The following FXN variants were observed in gnomAD, a reference collection of about 807,000 sequenced individuals.
FXN encodes frataxin.
In FXN, 14 loss-of-function variants were observed where a neutral mutation model predicts 22.4. The observed-to-expected ratio is 0.62, with a 90% CI of 0.41 to 0.98. The LOEUF (loss-of-function observed/expected upper bound fraction) is 0.98, where lower values mean the gene tolerates loss of function less well. Among genes scored for constraint, FXN ranks in the 50% least tolerant of loss-of-function variants. FXN has a pLI of 0.00. For missense variants in FXN, 267 were observed against 268.4 expected (o/e 0.99, Z 0.04); for synonymous variants, 120 against 114.1 (o/e 1.05, Z -0.33).
chr9:69,035,940 G>T lies in FXN; in HGVS notation c.158G>T (p.Arg53Leu), dbSNP rs1023779193. The change falls in exon 1 of 5, where the codon CGC (arginine) becomes CTC (leucine). Residue 53 changes from arginine (R) to leucine (L), a missense_variant. Transcript: ENST00000484259. ...GACATCGATGCGACCTGCACGCCCC[G>T]CCGCGCAGTAAGTATCCGCGCCGGG... Reference protein sequence around the residue: ...RTDIDATCTPRRASSNQRGLN... With the variant: ...RTDIDATCTPLRASSNQRGLN... 2 of 1,428,100 alleles carry T rather than the reference G, an allele frequency of 1.4e-6. No individual in the cohort carries two copies. Among genetic ancestry groups the T allele is most frequent in the Non-Finnish European group, 1.8e-6 (2 of 1,092,136 alleles). The allele number at this position is 1,428,100 out of a possible 1,614,324, so 88.5% of individuals were successfully genotyped here.
In FXN at chr9:69,051,023, G is replaced by A. The variant is rs536982720; in HGVS notation, c.264-2117G>A. 4.0e-3 allele frequency among the ~76,000 whole-genome samples: 604 copies of A among 152,066 alleles called. 2 individuals are homozygous for A. Among genetic ancestry groups the A allele is most frequent in the African/African-American group, 0.013 (552 of 41,480 alleles). Reference sequence around the variant, plus strand: ...TCGAACTCCTAACCTCAGGTGATCCGCCCGCCTCGGCCTCCCGAAGTGCTG... The same window carrying A: ...TCGAACTCCTAACCTCAGGTGATCCACCCGCCTCGGCCTCCCGAAGTGCTG... On this transcript the variant is annotated intron_variant, in intron 2 of 4. Coordinates refer to ENST00000484259, the MANE Select transcript of FXN (RefSeq NM_000144.5).
chr9:69,053,037 T>C, intron 2 of FXN, 103 bp from the exon 3 acceptor site: 1 of 1,268,324 alleles, frequency 7.9e-7, no homozygotes, highest in South Asian at 1.4e-5. Context: ...TTACATGTTA[T>C]TTTCATCAAT....
intron 3 of FXN, among the ~76,000 whole-genome samples, chr9:69,054,417 G>A (rs188427449): frequency 2.5e-3 from 376 of 152,064 alleles, no homozygotes; most frequent in Non-Finnish European, 3.9e-3. Context: ...TCTGCCTTTG[G>A]GTTTAGAATT....
chr9:69,043,116 C>T (rs1204975020), intron 1 of FXN, among the ~76,000 whole-genome samples: 3 of 152,222 alleles, frequency 2.0e-5, no homozygotes, highest in Middle Eastern at 6.8e-3. Context: ...GTGTGCAGAG[C>T]GGCAAAAAAA....
intron 4 of FXN, among the ~76,000 whole-genome samples, chr9:69,065,568 T>C (rs1382340925): frequency 1.3e-5 from 2 of 151,902 alleles, no homozygotes; most frequent in Non-Finnish European, 2.9e-5. Flanking sequence ...CATCGTCTTA[T>C]GTTAGCATCC....
intron 1 of FXN, among the ~76,000 whole-genome samples, chr9:69,041,653 G>A (rs1310058254): frequency 6.6e-6 from 1 of 152,202 alleles, no homozygotes; most frequent in Non-Finnish European, 1.5e-5. Flanking sequence ...ACAGGGCCGG[G>A]GGTGACAAGG....
intron 3 of FXN, among the ~76,000 whole-genome samples, chr9:69,061,409 C>T (rs1832071025): frequency 6.6e-6 from 1 of 152,020 alleles, no homozygotes; most frequent in Non-Finnish European, 1.5e-5. Context: ...AGTCCTCTGC[C>T]CTTTCTGCTG....
chr9:69,072,991 T>C lies in FXN; in HGVS notation c.*229T>C, dbSNP rs902272629. On this transcript the variant is annotated 3_prime_UTR_variant, in exon 5 of 5. Coordinates refer to ENST00000484259, the MANE Select transcript of FXN (RefSeq NM_000144.5). Reference sequence around the variant, plus strand: ...GGAAGATTTTTTGGATTGTCGGATTTCCTCCCTCACATGATACCCCTTATC... The same window carrying C: ...GGAAGATTTTTTGGATTGTCGGATTCCCTCCCTCACATGATACCCCTTATC... The C allele has an allele frequency of 1.4e-6, 2 of 1,430,100 alleles. No homozygotes were observed. The highest frequency in any genetic ancestry group is 2.9e-5 in the Admixed American group (1 of 34,894). The allele number at this position is 1,430,100 out of a possible 1,614,324, so 88.6% of individuals were successfully genotyped here.
intron 1 of FXN, among the ~76,000 whole-genome samples, chr9:69,043,245 T>A (rs1337986675): frequency 6.6e-6 from 1 of 152,208 alleles, no homozygotes; most frequent in Non-Finnish European, 1.5e-5. Context: ...AGTGCCATGT[T>A]TTTCAGATTT....
rs1327800541 is a variant in FXN at position 69,079,027 on chromosome 9, A to G, written c.*6265A>G. The G allele has an allele frequency of 2.3e-6, 2 of 874,888 alleles. No individual in the cohort carries two copies. Among genetic ancestry groups the G allele is most frequent in the African/African-American group, 1.8e-5 (1 of 54,838 alleles). 54.2% of individuals were successfully genotyped at this position (874,888 alleles called of 1,614,324 possible). A position where few individuals can be genotyped will look rare whatever the true frequency, so the allele number is the denominator to read the frequency against. On this transcript the variant is annotated 3_prime_UTR_variant, in exon 5 of 5. Transcript: ENST00000484259. ...TCTATAAATGTCAAATAAATGTGTT[A>G]TAATTATATGTTTAAGATAGTTGTT...
chr9:69,068,824 G>A (rs142195325), intron 4 of FXN, among the ~76,000 whole-genome samples: 1,939 of 152,286 alleles, frequency 0.013, 24 homozygotes, highest in Non-Finnish European at 0.02. Context: ...CCCTCTGTTC[G>A]AGGGTTCCAA....
intron 4 of FXN, among the ~76,000 whole-genome samples, chr9:69,066,298 C>T (rs1162001682): frequency 2.6e-5 from 4 of 152,138 alleles, no homozygotes; most frequent in Admixed American, 2.0e-4. Flanking sequence ...CTTACTCTAC[C>T]CCCTAACATT....
intron 3 of FXN, among the ~76,000 whole-genome samples, chr9:69,055,211 T>C (rs1283604455): frequency 6.6e-6 from 1 of 152,172 alleles, no homozygotes; most frequent in African/African-American, 2.4e-5. Context: ...TCTTACAAAC[T>C]GACCTACCAA....
chr9:69,053,471 A>AGATG (rs58150402), intron 3 of FXN, among the ~76,000 whole-genome samples: 68 of 140,362 alleles, frequency 4.8e-4, no homozygotes, highest in African/African-American at 9.0e-4. Context: ...ACTCTGTCAT[A>AGATG]GATGGATGGA....
intron 1 of FXN, among the ~76,000 whole-genome samples, chr9:69,045,214 A>G (rs1462452747): frequency 6.7e-6 from 1 of 149,216 alleles, no homozygotes; most frequent in Non-Finnish European, 1.5e-5. Context: ...TGGCTAGCCT[A>G]TTGGAAAACA....
intron 3 of FXN, among the ~76,000 whole-genome samples, chr9:69,058,884 C>T (rs938483187): frequency 2.6e-5 from 4 of 151,972 alleles, no homozygotes; most frequent in African/African-American, 9.7e-5. Flanking sequence ...CTGGCTAACA[C>T]GGTGAAACCC....
chr9:69,065,686 G>C (rs1286393354), intron 4 of FXN, among the ~76,000 whole-genome samples: 1 of 152,194 alleles, frequency 6.6e-6, no homozygotes, highest in Non-Finnish European at 1.5e-5. Context: ...ACTGTAAGCA[G>C]GCATCAGGAT....
chr9:69,066,793 A>G (rs188639732), intron 4 of FXN, among the ~76,000 whole-genome samples: 117 of 152,244 alleles, frequency 7.7e-4, no homozygotes, highest in African/African-American at 2.6e-3. Context: ...AGCTGTGTTC[A>G]GAAGCATGGG....
In FXN at chr9:69,077,333, C is replaced by T. The variant is rs1832389140; in HGVS notation, c.*4571C>T. 4.1e-6 allele frequency: 4 copies of T among 985,436 alleles called. No homozygotes were observed. Among genetic ancestry groups the T allele is most frequent in the Non-Finnish European group, 4.8e-6 (4 of 829,936 alleles). The allele number at this position is 985,436 out of a possible 1,614,324, so 61.0% of individuals were successfully genotyped here. On this transcript the variant is annotated 3_prime_UTR_variant, in exon 5 of 5. Transcript: ENST00000484259. ...ACTCAGCTCACTTATATCCCTGCAT[C>T]CGCTACAGAGACAGAATCCAAGCTC... is the stretch of plus-strand genomic sequence containing the variant.
Sources: gnomAD v4.1 joint callset for allele counts (sites outside exome capture counted in the v4.1 genomes callset) on GRCh38, gnomAD v4.1.1 for gene constraint, MANE v1.5 for transcripts, NCBI Gene and HGNC (gene_info 2026-07-23, HGNC 2026-07-21) for gene names.